The following EIF3D variants were observed in gnomAD, a reference collection of about 807,000 sequenced individuals.
The protein encoded by EIF3D is eIF3 p66.
Under a neutral mutation model 75.4 loss-of-function variants are expected in EIF3D, and 10 were observed. That is an observed-to-expected ratio of 0.13 (90% CI 0.08 to 0.22). The LOEUF (loss-of-function observed/expected upper bound fraction) is 0.22. Among genes scored for constraint, EIF3D ranks in the 10% least tolerant of loss-of-function variants. EIF3D has a pLI of 1.00. For missense variants in EIF3D, 394 were observed against 708.0 expected, an observed-to-expected ratio of 0.56 and a Z score of 5.03; for synonymous variants, 246 against 248.3, an observed-to-expected ratio of 0.99 and a Z score of 0.09.
intron 1 of EIF3D, 36 bp downstream of exon 1, chr22:36,529,040 G>A (rs1934657020): frequency 5.3e-6 from 2 of 374,832 alleles, no homozygotes; most frequent in Non-Finnish European, 9.5e-6. Context: ...AACCGGCTCC[G>A]GAGGGCCGCA....
intron 10 of EIF3D, chr22:36,517,060 T>G: frequency 1.6e-6 from 1 of 617,126 alleles, no homozygotes; most frequent in Non-Finnish European, 2.8e-6. Context: ...TAAATCAATT[T>G]ATTATTTATT....
At chr22:36,528,331 T>C (rs982940019) in intron 1 of EIF3D, among the ~76,000 whole-genome samples, 20 of 151,742 alleles carry the variant, frequency 1.3e-4, no homozygotes, top group African/African-American at 4.8e-4. Context: ...TCGGGTTCTG[T>C]CAGAAGCTCA....
rs771073736 is a variant in EIF3D, at chr22:36,516,813, A to G, written c.991-23T>C. 3 of 1,608,872 alleles carry G rather than the reference A, an allele frequency of 1.9e-6. No homozygotes were observed. In the South Asian group the frequency reaches 3.3e-5, roughly 18 times the overall value. On this transcript the variant is annotated intron_variant, in intron 10 of 14. Transcript: ENST00000216190. Reference sequence around the variant, plus strand: ...CCCCTGCAAAAACAAAGGTGTCACAAGACAGAGCTAACTTTGTTGACAAGG... The same window carrying G: ...CCCCTGCAAAAACAAAGGTGTCACAGGACAGAGCTAACTTTGTTGACAAGG...
intron 2 of EIF3D, 37 bp downstream of exon 2, chr22:36,525,962 G>T: frequency 1.3e-6 from 2 of 1,573,692 alleles, no homozygotes. Context: ...AGCAGCCACA[G>T]CTGCAAAGAT....
intron 12 of EIF3D, among the ~76,000 whole-genome samples, chr22:36,514,674 G>C (rs1283833322): frequency 6.6e-6 from 1 of 152,174 alleles, no homozygotes; most frequent in Admixed American, 6.5e-5. Flanking sequence ...AACTGGCAGG[G>C]GGATGGGGGC....
intron 12 of EIF3D, among the ~76,000 whole-genome samples, chr22:36,514,521 G>A (rs563736854): frequency 9.0e-4 from 137 of 152,288 alleles, no homozygotes; most frequent in African/African-American, 3.2e-3. Flanking sequence ...CTTAAATCTA[G>A]GTGTAGAGGT....
chr22:36,517,248 A>G (rs1254311728), intron 10 of EIF3D, 53 bp downstream of exon 10: 2 of 1,611,424 alleles, frequency 1.2e-6, no homozygotes, highest in Admixed American at 1.7e-5. Context: ...TGCTCCACAA[A>G]CAGCAGCTGA....
At chr22:36,513,640 T>C (rs937821668) in intron 12 of EIF3D, among the ~76,000 whole-genome samples, 1 of 152,150 alleles carries the variant, frequency 6.6e-6, no homozygotes, top group Non-Finnish European at 1.5e-5. Flanking sequence ...AAACCATGTA[T>C]TAGTATTCTG....
At chr22:36,528,495 C>G (rs941932996) in intron 1 of EIF3D, among the ~76,000 whole-genome samples, 6 of 149,716 alleles carry the variant, frequency 4.0e-5, no homozygotes, top group Admixed American at 2.0e-4. Context: ...AACAGCTGTA[C>G]TAGTCACAGG....
At chr22:36,514,252 G>C (rs922337678) in intron 12 of EIF3D, among the ~76,000 whole-genome samples, 1 of 152,162 alleles carries the variant, frequency 6.6e-6, no homozygotes, top group Non-Finnish European at 1.5e-5. Context: ...TAATAAATCA[G>C]AGTAGATTTG....
chr22:36,513,997 T>C (rs1049419764), intron 12 of EIF3D, among the ~76,000 whole-genome samples: 3 of 152,196 alleles, frequency 2.0e-5, no homozygotes, highest in African/African-American at 7.2e-5. Flanking sequence ...CAAACAGGCA[T>C]GATGAAATGG....
At chr22:36,525,886 C>T (rs1316261363) in intron 2 of EIF3D, 113 bp downstream of exon 2, 5 of 1,496,550 alleles carry the variant, frequency 3.3e-6, no homozygotes, top group African/African-American at 1.4e-5. Flanking sequence ...TCTCAGCTGG[C>T]ATCCCTATAA....
At chr22:36,514,448 G>A (rs1364853170) in intron 12 of EIF3D, among the ~76,000 whole-genome samples, 2 of 152,158 alleles carry the variant, frequency 1.3e-5, no homozygotes, top group Non-Finnish European at 2.9e-5. Context: ...GCAGATGTAA[G>A]GCCGCAAATC....
rs1000113034 is a variant in EIF3D at position 36,524,836 on chromosome 22, G to A, written c.170-104C>T. 9.7e-6 allele frequency: 14 copies of A among 1,448,108 alleles called. No individual in the cohort carries two copies. The African/African-American group carries it at 1.7e-4, about 17-fold the overall frequency. The allele number at this position is 1,448,108 out of a possible 1,614,324, so 89.7% of individuals were successfully genotyped here. A position where few individuals can be genotyped will look rare whatever the true frequency, so the allele number is the denominator to read the frequency against. ...TTCAAGTGTGGTCTTGAGACCTGTA[G>A]CATTGGCTGAAAGCTTGTTAGACAC... is the stretch of plus-strand genomic sequence containing the variant. On this transcript the variant is annotated intron_variant, in intron 3 of 14. Transcript: ENST00000216190.
At chr22:36,521,869 G>T (rs368001424) in intron 6 of EIF3D, among the ~76,000 whole-genome samples, 3 of 151,814 alleles carry the variant, frequency 2.0e-5, no homozygotes, top group African/African-American at 7.3e-5. Context: ...CCCGGGAGGC[G>T]GAGGTTGCAG....
chr22:36,512,644 A>G, intron 12 of EIF3D, 42 bp from the exon 13 acceptor site: 1 of 1,591,540 alleles, frequency 6.3e-7, no homozygotes, highest in Non-Finnish European at 8.6e-7. Context: ...CAAGCTCCAA[A>G]TGCCCAAGGT....
At chr22:36,528,074 T>C (rs1569002955) in intron 1 of EIF3D, among the ~76,000 whole-genome samples, 1 of 152,182 alleles carries the variant, frequency 6.6e-6, no homozygotes. Context: ...TGTTAGGCCC[T>C]ATACCAGATA....
At chr22:36,512,685 C>T (rs759047826) in intron 12 of EIF3D, 83 bp from the exon 13 acceptor site, 43 of 1,478,204 alleles carry the variant, frequency 2.9e-5, no homozygotes, top group Non-Finnish European at 3.9e-5. Flanking sequence ...AGAAGGAACT[C>T]CCTAGTCTGC....
chr22:36,524,144 G>C (rs183157472), intron 4 of EIF3D, among the ~76,000 whole-genome samples, 164 bp from the exon 5 acceptor site: 12 of 150,414 alleles, frequency 8.0e-5, no homozygotes, highest in South Asian at 6.2e-4. Flanking sequence ...GGGGTGTTAG[G>C]GGGTAAGTGC....
Sources: allele counts gnomAD v4.1 joint callset (sites outside exome capture counted in the v4.1 genomes callset), GRCh38; gene constraint gnomAD v4.1.1; transcripts MANE v1.5; gene names NCBI Gene and HGNC (gene_info 2026-07-23, HGNC 2026-07-21).